The following NFKB1 variants were observed in gnomAD, a reference collection of about 807,000 sequenced individuals.
NFKB1 encodes nuclear factor NF-kappa-B p105 subunit.
A neutral mutation model predicts 105.1 loss-of-function variants in NFKB1; 9 were observed. The observed-to-expected ratio is 0.09, with a 90% CI of 0.05 to 0.15. The LOEUF (loss-of-function observed/expected upper bound fraction) is 0.15, where lower values mean the gene tolerates loss of function less well. NFKB1 is among the 10% of genes least tolerant of loss of function. NFKB1 has a pLI of 1.00. For synonymous variants in NFKB1, 440 were observed against 442.2 expected (o/e 1.00, Z 0.06); for missense variants, 830 against 1,203.7 (o/e 0.69, Z 4.59).
rs150808867 is a variant in NFKB1, at chr4:102,509,560, G to C, written c.-8+7772G>C. On this transcript the variant is annotated intron_variant, in intron 1 of 23. Transcript: ENST00000226574. ...AAGCTACAGAAATGATTTTATTGCT[G>C]AGGCACTTAAGTATCTTCACATCTA... Among the ~76,000 whole-genome samples the C allele has an allele frequency of 1.4e-4, 22 of 152,282 alleles. No individual in the cohort carries two copies. In the East Asian group the frequency reaches 4.3e-3, roughly 29 times the overall value.
chr4:102,533,730 T>C, intron 3 of NFKB1, 115 bp from the exon 4 acceptor site: 1 of 852,588 alleles, frequency 1.2e-6, no homozygotes, highest in Non-Finnish European at 1.9e-6. Flanking sequence ...CAAAAATTGA[T>C]TTGAAATTTC....
intron 2 of NFKB1, among the ~76,000 whole-genome samples, chr4:102,527,946 CAG>C (rs771356457): frequency 1.9e-4 from 29 of 152,244 alleles, no homozygotes; most frequent in Admixed American, 3.3e-4. Flanking sequence ...TCATCAGTAA[CAG>C]GGGTGGGGCA....
At chr4:102,520,504 T>A (rs1461496284) in intron 1 of NFKB1, among the ~76,000 whole-genome samples, 1 of 152,180 alleles carries the variant, frequency 6.6e-6, no homozygotes, top group Non-Finnish European at 1.5e-5. Context: ...CCAAGCACAA[T>A]GTATTTGGTA....
intron 10 of NFKB1, 60 bp downstream of exon 10, chr4:102,583,017 A>T (rs1162758237): frequency 8.4e-7 from 1 of 1,194,090 alleles, no homozygotes; most frequent in East Asian, 2.6e-5. Flanking sequence ...TCTCACTCTG[A>T]CACCCAGGCT....
At chr4:102,582,813 TA>T in intron 9 of NFKB1, 52 bp from the exon 10 acceptor site, 1 of 1,183,050 alleles carries the variant, frequency 8.5e-7, no homozygotes, top group South Asian at 1.3e-5. Context: ...AGCATGTTTA[TA>T]AATACTATTT....
chr4:102,526,225 A>C (rs1740903188), intron 2 of NFKB1, among the ~76,000 whole-genome samples: 1 of 152,166 alleles, frequency 6.6e-6, no homozygotes, highest in Admixed American at 6.5e-5. Context: ...TTAGGAGTTA[A>C]AGGTGTCTTT....
chr4:102,591,042 G>A (rs537105852), intron 11 of NFKB1, among the ~76,000 whole-genome samples: 1 of 152,144 alleles, frequency 6.6e-6, no homozygotes, highest in African/African-American at 2.4e-5. Context: ...AAAGTTGGAA[G>A]CTAGCAGAGG....
intron 1 of NFKB1, among the ~76,000 whole-genome samples, chr4:102,506,913 A>G (rs1269410533): frequency 2.6e-5 from 4 of 151,160 alleles, no homozygotes; most frequent in Non-Finnish European, 5.9e-5. Context: ...ATATACTGAT[A>G]TATATTAGTT....
intron 11 of NFKB1, among the ~76,000 whole-genome samples, chr4:102,586,888 T>G (rs1725752346): frequency 6.6e-6 from 1 of 152,228 alleles, no homozygotes; most frequent in African/African-American, 2.4e-5. Context: ...TGATAGGTAA[T>G]CTTTGAAGAG....
intron 11 of NFKB1, among the ~76,000 whole-genome samples, chr4:102,589,578 A>G (rs1726004158): frequency 6.6e-6 from 1 of 152,128 alleles, no homozygotes; most frequent in Non-Finnish European, 1.5e-5. Context: ...AACTGCAGTT[A>G]GATGATCATG....
At chr4:102,506,141 C>G (rs1371469127) in intron 1 of NFKB1, among the ~76,000 whole-genome samples, 3 of 151,852 alleles carry the variant, frequency 2.0e-5, no homozygotes, top group Admixed American at 6.6e-5. Context: ...TTAGAGGCAC[C>G]AGAGCAAGAT....
chr4:102,598,788 T>C (rs999870248), intron 15 of NFKB1, among the ~76,000 whole-genome samples: 6 of 152,266 alleles, frequency 3.9e-5, no homozygotes, highest in Admixed American at 2.6e-4. Context: ...GATGAGCACA[T>C]ACAGGTTAGA....
At chr4:102,597,737 G>A in intron 15 of NFKB1, 76 bp downstream of exon 15, 1 of 1,457,650 alleles carries the variant, frequency 6.9e-7, no homozygotes, top group Non-Finnish European at 9.2e-7. Flanking sequence ...ATACTGACTA[G>A]AGATAAAAAT....
chr4:102,510,318 T>G (rs961106645), intron 1 of NFKB1, among the ~76,000 whole-genome samples: 2 of 152,210 alleles, frequency 1.3e-5, no homozygotes, highest in Admixed American at 1.3e-4. Context: ...GTTTGCTGAA[T>G]AAGTAAATAC....
At chr4:102,577,639 C>T (rs182590877) in intron 7 of NFKB1, 269 of 170,626 alleles carry the variant, frequency 1.6e-3, no homozygotes, top group African/African-American at 5.9e-3. Flanking sequence ...TTACTCTGGC[C>T]GTCCAGTCGT....
intron 5 of NFKB1, among the ~76,000 whole-genome samples, chr4:102,554,507 T>A (rs926305862): frequency 6.6e-6 from 1 of 152,202 alleles, no homozygotes; most frequent in Admixed American, 6.5e-5. Flanking sequence ...AACTGTGCTG[T>A]CATCCCTGTT....
intron 1 of NFKB1, among the ~76,000 whole-genome samples, chr4:102,503,914 T>G (rs1347959943): frequency 6.6e-6 from 1 of 152,222 alleles, no homozygotes; most frequent in Non-Finnish European, 1.5e-5. Flanking sequence ...AGTTACTACC[T>G]TGACTTTCAG....
intron 4 of NFKB1, 40 bp downstream of exon 4, chr4:102,533,925 G>C (rs1017624677): frequency 1.9e-6 from 3 of 1,541,114 alleles, no homozygotes; most frequent in Non-Finnish European, 2.7e-6. Flanking sequence ...TTAGATTCCA[G>C]TGTCTAATAT....
chr4:102,576,381 C>A (rs1448435480), intron 6 of NFKB1, among the ~76,000 whole-genome samples: 1 of 152,168 alleles, frequency 6.6e-6, no homozygotes, highest in South Asian at 2.1e-4. Context: ...TTTAATACAG[C>A]TCCCATAGAA....
Sources: gnomAD v4.1 joint callset for allele counts (sites outside exome capture counted in the v4.1 genomes callset) on GRCh38, gnomAD v4.1.1 for gene constraint, MANE v1.5 for transcripts, NCBI Gene and HGNC (gene_info 2026-07-23, HGNC 2026-07-21) for gene names.